ATM: variants seen among roughly 807,000 people sequenced by gnomAD.
ATM encodes the protein serine-protein kinase ATM.
ATM carries 308 observed loss-of-function variants against 387.0 expected under a neutral mutation model. The ratio of observed to expected loss-of-function variants is 0.80; its 90% CI spans 0.73 to 0.87. The LOEUF is 0.87. Ranked by LOEUF, ATM falls within the 40% of genes least tolerant of loss-of-function variation. The pLI is 0.00. For synonymous variants in ATM, 1,156 were observed against 1,187.3 expected, an observed-to-expected ratio of 0.97 and a Z score of 0.54; for missense variants, 3,312 against 3,560.9, an observed-to-expected ratio of 0.93 and a Z score of 1.78.
In ATM at chr11:108,319,991, T is replaced by C. The variant is rs876658542; in HGVS notation, c.6385T>C (p.Tyr2129His). 4 of 1,612,810 alleles carry C rather than the reference T, an allele frequency of 2.5e-6. No homozygotes were observed. Among genetic ancestry groups the C allele is most frequent in the Non-Finnish European group, 3.4e-6 (4 of 1,178,934 alleles). The stretch of plus-strand genomic sequence containing the variant: ...AGGAACCAGTTACCATGAATCATTG[T>C]ACAATGCTCTACAATCTCTAAGAGA... Reference protein sequence around the residue: ...VEGTSYHESLYNALQSLRDRE... With the variant: ...VEGTSYHESLHNALQSLRDRE... The change falls in exon 44 of 63, where the codon TAC becomes CAC. Residue 2129 changes from tyrosine (Y) to histidine (H), a missense_variant. By Grantham distance (83) the Tyr-to-His change is moderately conservative. Coordinates refer to ENST00000675843, the MANE Select transcript of ATM (RefSeq NM_000051.4).
At chr11:108,241,938 CTTA>C (rs2079584336) in intron 5 of ATM, among the ~76,000 whole-genome samples, 1 of 151,142 alleles carries the variant, frequency 6.6e-6, no homozygotes, top group African/African-American at 2.4e-5. Flanking sequence ...GAGATAAGGT[CTTA>C]TTATGTTGCT....
intron 57 of ATM, 66 bp downstream of exon 57, chr11:108,343,437 G>A (rs2136960186): frequency 6.3e-7 from 1 of 1,583,994 alleles, no homozygotes; most frequent in Non-Finnish European, 8.7e-7. Flanking sequence ...GCTGACAGCT[G>A]TCAGATATTA....
intron 34 of ATM, 85 bp downstream of exon 34, chr11:108,299,970 A>G: frequency 7.6e-7 from 1 of 1,316,782 alleles, no homozygotes; most frequent in Non-Finnish European, 1.1e-6. Context: ...ATTCTCAGTA[A>G]CTAAAGCTTT....
intron 36 of ATM, 45 bp downstream of exon 36, chr11:108,303,074 G>GT (rs754244843): frequency 1.3e-6 from 2 of 1,548,192 alleles, no homozygotes; most frequent in African/African-American, 2.7e-5. Flanking sequence ...TTTATGACCT[G>GT]TTTATCTAAA....
chr11:108,270,818 C>G (rs184741283), intron 18 of ATM, among the ~76,000 whole-genome samples: 3 of 152,224 alleles, frequency 2.0e-5, no homozygotes, highest in African/African-American at 7.2e-5. Context: ...GCCTCAGCCT[C>G]CTGAGTAGCT....
At chr11:108,291,108 T>C (rs564965478) in intron 29 of ATM, among the ~76,000 whole-genome samples, 1 of 151,894 alleles carries the variant, frequency 6.6e-6, no homozygotes, top group Admixed American at 6.6e-5. Context: ...TGGTGGCAGG[T>C]GCCTGTAGTC....
chr11:108,292,849 A>C lies in ATM; in HGVS notation c.4611+56A>C, dbSNP rs2082878189. 21 of 1,579,992 alleles carry C rather than the reference A, an allele frequency of 1.3e-5. No individual in the cohort carries two copies. In the South Asian group the frequency reaches 2.2e-4, roughly 17 times the overall value. ...TTTAAAATATATAAAGTATTGTTAG[A>C]AGGATTTGAGTGTTTTATGTTTATT... is the stretch of plus-strand genomic sequence containing the variant. On this transcript the variant is annotated intron_variant, in intron 30 of 62. Coordinates refer to ENST00000675843, the MANE Select transcript of ATM (RefSeq NM_000051.4).
intron 25 of ATM, among the ~76,000 whole-genome samples, chr11:108,283,920 C>T (rs185124502): frequency 6.6e-6 from 1 of 152,098 alleles, no homozygotes; most frequent in Non-Finnish European, 1.5e-5. Context: ...AATATAAATT[C>T]AAGTCTCCAT....
intron 14 of ATM, 152 bp from the exon 15 acceptor site, chr11:108,257,329 C>A: frequency 1.1e-6 from 1 of 921,662 alleles, no homozygotes; most frequent in South Asian, 1.7e-5. Flanking sequence ...TACTGTATGA[C>A]TACGTGGAAC....
At chr11:108,311,117 C>G (rs2084119904) in intron 39 of ATM, among the ~76,000 whole-genome samples, 1 of 151,638 alleles carries the variant, frequency 6.6e-6, no homozygotes, top group Non-Finnish European at 1.5e-5. Flanking sequence ...TAGGCACACA[C>G]CACTGCATCC....
intron 12 of ATM, among the ~76,000 whole-genome samples, chr11:108,253,432 A>T (rs1449063011): frequency 1.3e-5 from 2 of 152,048 alleles, no homozygotes; most frequent in Non-Finnish European, 2.9e-5. Context: ...GCTTACCTAT[A>T]CCAGATGTTA....
At chr11:108,298,041 G>GA (rs1268464001) in intron 33 of ATM, among the ~76,000 whole-genome samples, 1 of 152,156 alleles carries the variant, frequency 6.6e-6, no homozygotes, top group Non-Finnish European at 1.5e-5. Flanking sequence ...TAAGAATGAA[G>GA]ACTTGGAGGG....
At chr11:108,253,608 T>G (rs2080273181) in intron 12 of ATM, among the ~76,000 whole-genome samples, 1 of 152,172 alleles carries the variant, frequency 6.6e-6, no homozygotes, top group Non-Finnish European at 1.5e-5. Flanking sequence ...TAGTAAAATT[T>G]GCTACTGAAT....
At chr11:108,249,630 G>T (rs1468194967) in intron 9 of ATM, among the ~76,000 whole-genome samples, 2 of 152,144 alleles carry the variant, frequency 1.3e-5, no homozygotes, top group African/African-American at 2.4e-5. Context: ...GATCTGGTAA[G>T]GATGTTTAGA....
intron 26 of ATM, among the ~76,000 whole-genome samples, chr11:108,285,321 CTT>C (rs11310321): frequency 1.2e-3 from 169 of 144,336 alleles, no homozygotes; most frequent in Admixed American, 1.4e-3. Flanking sequence ...ATTTTTCTCT[CTT>C]TTTTTTTTTT....
At chr11:108,274,666 T>C (rs1464642543) in intron 22 of ATM, among the ~76,000 whole-genome samples, 1 of 152,202 alleles carries the variant, frequency 6.6e-6, no homozygotes, top group Non-Finnish European at 1.5e-5. Context: ...AGTTTCCATG[T>C]AGTTGTGTGG....
chr11:108,267,728 G>T (rs1329199220), intron 17 of ATM, among the ~76,000 whole-genome samples: 1 of 152,104 alleles, frequency 6.6e-6, no homozygotes, highest in African/African-American at 2.4e-5. Flanking sequence ...GTGGTGGCGG[G>T]CGCCTGTAGT....
chr11:108,277,899 C>A (rs915210468), intron 22 of ATM, among the ~76,000 whole-genome samples: 1 of 152,086 alleles, frequency 6.6e-6, no homozygotes, highest in African/African-American at 2.4e-5. Flanking sequence ...AATATATTTA[C>A]TTCTCCGTAT....
At chr11:108,351,046 C>T (rs917242747) in intron 59 of ATM, among the ~76,000 whole-genome samples, 2 of 152,032 alleles carry the variant, frequency 1.3e-5, no homozygotes, top group Admixed American at 1.3e-4. Flanking sequence ...AACAAATTGT[C>T]GTATATTTAT....
Sources: allele counts gnomAD v4.1 joint callset (sites outside exome capture counted in the v4.1 genomes callset), GRCh38; gene constraint gnomAD v4.1.1; transcripts MANE v1.5; gene names NCBI Gene and HGNC (gene_info 2026-07-23, HGNC 2026-07-21).